The following PEAK1 variants were observed in gnomAD, a reference collection of about 807,000 sequenced individuals.
PEAK1 encodes inactive tyrosine-protein kinase PEAK1.
Under a neutral mutation model 124.7 loss-of-function variants are expected in PEAK1, and 54 were observed. That is an observed-to-expected ratio of 0.43 (90% confidence interval 0.35 to 0.54). The LOEUF (loss-of-function observed/expected upper bound fraction) is 0.54, where lower values mean the gene tolerates loss of function less well. PEAK1 is among the 20% of genes least tolerant of loss of function. The pLI is 0.01. For missense variants in PEAK1, 2,046 were observed against 2,134.5 expected, an observed-to-expected ratio of 0.96 and a Z score of 0.82; for synonymous variants, 719 against 760.0, an observed-to-expected ratio of 0.95 and a Z score of 0.89.
At chr15:77,355,154 T>C (rs2067441915) in intron 2 of PEAK1, among the ~76,000 whole-genome samples, 1 of 150,910 alleles carries the variant, frequency 6.6e-6, no homozygotes, top group Non-Finnish European at 1.5e-5. Flanking sequence ...AGAAAGAAAA[T>C]AAGTACAACA....
Position 77,108,892 on chromosome 15 carries a change from T to G in PEAK1, c.*5264A>C, listed in dbSNP as rs1192767122. 1 of 151,988 alleles carries G rather than the reference T, an allele frequency of 6.6e-6. No homozygotes were observed. Among genetic ancestry groups the G allele is most frequent in the Non-Finnish European group, 1.5e-5 (1 of 68,014 alleles). 9.4% of individuals were successfully genotyped at this position (151,988 alleles called of 1,614,324 possible). A position where few individuals can be genotyped will look rare whatever the true frequency, so the allele number is the denominator to read the frequency against. ...CAGAGACTTTCTGGAGTGGGAAACA[T>G]GTAATGGGATGTTGGGAATGCAGGC... On this transcript the variant is annotated 3_prime_UTR_variant, in exon 10 of 10. Transcript: ENST00000682557.
Position 77,407,097 on chromosome 15 carries a change from C to A in PEAK1, c.-666+12909G>T, listed in dbSNP as rs565446934. 3.9e-5 allele frequency among the ~76,000 whole-genome samples: 6 copies of A among 152,238 alleles called. No homozygotes were observed. The South Asian group carries it at 1.2e-3, about 32-fold the overall frequency. ...TAGAAGAATGAAACTGGATCCTCATCTCACCTTACACAAAAATCAACTCCA... is the reference window on the plus strand; with the variant it reads ...TAGAAGAATGAAACTGGATCCTCATATCACCTTACACAAAAATCAACTCCA... On this transcript the variant is annotated intron_variant, in intron 1 of 9. Transcript: ENST00000682557.
At position 77,263,368 on chromosome 15, in the gene PEAK1, AAAG is replaced by A. The variant is rs539431938; in HGVS notation, c.-274-10845_-274-10843del. Among the ~76,000 whole-genome samples the A allele has an allele frequency of 3.7e-3, 570 of 152,254 alleles. 4 individuals carry two copies. Among genetic ancestry groups the A allele is most frequent in the African/African-American group, 0.013 (546 of 41,552 alleles). ...TTGATAGACCGCTAGCTAGACTAAT[AAAG>A]AAGAAAAGAGAGAAGAATCAAATAG... On this transcript the variant is annotated intron_variant, in intron 5 of 9. Coordinates refer to ENST00000682557, the MANE Select transcript of PEAK1 (RefSeq NM_001385026.1).
At chr15:77,224,397 T>C (rs1321113874) in intron 6 of PEAK1, among the ~76,000 whole-genome samples, 1 of 152,070 alleles carries the variant, frequency 6.6e-6, no homozygotes, top group Non-Finnish European at 1.5e-5. Context: ...TACACTGTTC[T>C]TTTGTCTGAT....
At chr15:77,360,492 T>C (rs2141557202) in intron 2 of PEAK1, among the ~76,000 whole-genome samples, 1 of 152,326 alleles carries the variant, frequency 6.6e-6, no homozygotes, top group South Asian at 2.1e-4. Flanking sequence ...CCAATATATA[T>C]ACACATATAA....
rs775759116 is a variant in PEAK1, at chr15:77,179,793, AGTT to A, written c.2131_2133del (p.Asn711del). ...GGTGAAGACTGACCTCTGTTGAGAC[AGTT>A]GTTAAACTCTTGAACCTTCTGAGCC... On this transcript the variant is annotated inframe_deletion, in exon 7 of 10. Transcript: ENST00000682557. 6.2e-7 allele frequency: 1 copy of A among 1,614,050 alleles called. No homozygotes were observed. The highest frequency in any genetic ancestry group is 2.2e-5 in the East Asian group (1 of 44,880).
At chr15:77,258,268 T>G (rs2061267518) in intron 5 of PEAK1, among the ~76,000 whole-genome samples, 1 of 152,178 alleles carries the variant, frequency 6.6e-6, no homozygotes, top group Non-Finnish European at 1.5e-5. Context: ...GTGAAGAAAG[T>G]CATTGGTAGC....
chr15:77,393,260 G>A (rs1159110305), intron 1 of PEAK1, among the ~76,000 whole-genome samples: 1 of 152,152 alleles, frequency 6.6e-6, no homozygotes, highest in Non-Finnish European at 1.5e-5. Flanking sequence ...AGTGGACTTT[G>A]GGGAGTACAC....
chr15:77,214,459 A>C (rs1276058024), intron 6 of PEAK1, among the ~76,000 whole-genome samples: 1 of 149,320 alleles, frequency 6.7e-6, no homozygotes, highest in Non-Finnish European at 1.5e-5. Flanking sequence ...TACTAAAAAT[A>C]CAAAAAAAAA....
At chr15:77,242,604 C>T (rs2060408358) in intron 6 of PEAK1, among the ~76,000 whole-genome samples, 2 of 151,980 alleles carry the variant, frequency 1.3e-5, no homozygotes, top group African/African-American at 2.4e-5. Flanking sequence ...GAGGGTATCA[C>T]TTTTTTTTCC....
At chr15:77,391,476 C>CAAAAAAA (rs536286745) in intron 1 of PEAK1, among the ~76,000 whole-genome samples, 11 of 68,290 alleles carry the variant, frequency 1.6e-4, no homozygotes, top group South Asian at 7.5e-4. Flanking sequence ...TAACTCATGG[C>CAAAAAAA]AAAAAAAAAA....
intron 7 of PEAK1, among the ~76,000 whole-genome samples, chr15:77,177,354 T>C (rs556416854): frequency 6.6e-6 from 1 of 152,164 alleles, no homozygotes; most frequent in Non-Finnish European, 1.5e-5. Context: ...GACTGTTCTT[T>C]CTAGGACTAC....
chr15:77,256,954 C>T lies in PEAK1; in HGVS notation c.-274-4428G>A, dbSNP rs1320111470. 3.3e-5 allele frequency among the ~76,000 whole-genome samples: 5 copies of T among 150,168 alleles called. No homozygotes were observed. In the South Asian group the frequency reaches 1.1e-3, roughly 32 times the overall value. ...ATGTGTTCTCATTTTTCAATTCCCA[C>T]CTATGAGTGAGAACATGCGGTGTTT... On this transcript the variant is annotated intron_variant, in intron 5 of 9. Coordinates refer to ENST00000682557, the MANE Select transcript of PEAK1 (RefSeq NM_001385026.1).
chr15:77,410,019 T>C lies in PEAK1; in HGVS notation c.-666+9987A>G, dbSNP rs545894874. Among the ~76,000 whole-genome samples, 11 of 152,158 alleles carry C rather than the reference T, an allele frequency of 7.2e-5. No homozygotes were observed. In the East Asian group the frequency reaches 2.1e-3, roughly 29 times the overall value. ...CTTGGAGGGCAGGTTATGAGCTACT[T>C]GAAAGACAGTAATCGTGGTTTTTTT... On this transcript the variant is annotated intron_variant, in intron 1 of 9. Coordinates refer to ENST00000682557, the MANE Select transcript of PEAK1 (RefSeq NM_001385026.1).
chr15:77,242,402 A>G (rs929879320), intron 6 of PEAK1, among the ~76,000 whole-genome samples: 2 of 152,092 alleles, frequency 1.3e-5, no homozygotes, highest in East Asian at 3.9e-4. Context: ...ATTTGGTCTC[A>G]TTAAATTACT....
chr15:77,228,372 G>T (rs2059768871), intron 6 of PEAK1, among the ~76,000 whole-genome samples: 1 of 152,168 alleles, frequency 6.6e-6, no homozygotes, highest in Admixed American at 6.6e-5. Context: ...GGTCATCAAA[G>T]ATATGAGTTG....
chr15:77,364,025 C>A (rs952477938), intron 2 of PEAK1, among the ~76,000 whole-genome samples: 106 of 151,990 alleles, frequency 7.0e-4, no homozygotes, highest in African/African-American at 2.4e-3. Context: ...ATGGTGAAAC[C>A]CTGTCTCTAT....
chr15:77,244,008 G>C (rs1299007716), intron 6 of PEAK1, among the ~76,000 whole-genome samples: 1 of 151,654 alleles, frequency 6.6e-6, no homozygotes, highest in Non-Finnish European at 1.5e-5. Flanking sequence ...CCCACAGATG[G>C]TTGGCAAAAG....
At chr15:77,380,272 G>C (rs1038739576) in intron 1 of PEAK1, among the ~76,000 whole-genome samples, 1 of 152,142 alleles carries the variant, frequency 6.6e-6, no homozygotes, top group Admixed American at 6.5e-5. Context: ...CCGATGGTTA[G>C]GTCATGCCAC....
Sources: allele counts gnomAD v4.1 joint callset (sites outside exome capture counted in the v4.1 genomes callset), GRCh38; gene constraint gnomAD v4.1.1; transcripts MANE v1.5; gene names NCBI Gene and HGNC (gene_info 2026-07-23, HGNC 2026-07-21).